The following NAF1 variants were observed in gnomAD, a reference collection of about 807,000 sequenced individuals.
NAF1 encodes nuclear assembly factor 1 ribonucleoprotein.
A neutral mutation model predicts 40.6 loss-of-function variants in NAF1; 11 were observed. The observed-to-expected ratio is 0.27, with a 90% CI of 0.17 to 0.45. The LOEUF is 0.45. Ranked by LOEUF, NAF1 falls within the 20% of genes least tolerant of loss-of-function variation. The pLI is 1.00. For synonymous variants in NAF1, 260 were observed against 228.5 expected (o/e 1.14, Z -1.24); for missense variants, 607 against 611.1 (o/e 0.99, Z 0.07).
In NAF1 at chr4:163,128,789, G is replaced by T; in HGVS notation, c.*108C>A. ...AACTTACAACAGAAGGAATCATTTAGTATTTTACAGTGTTTTTAAAAATCT... is the reference window on the plus strand; with the variant it reads ...AACTTACAACAGAAGGAATCATTTATTATTTTACAGTGTTTTTAAAAATCT... On this transcript the variant is annotated 3_prime_UTR_variant, in exon 8 of 8. Coordinates refer to ENST00000274054, the MANE Select transcript of NAF1 (RefSeq NM_138386.3). 3 of 1,313,958 alleles carry T rather than the reference G, an allele frequency of 2.3e-6. No individual in the cohort carries two copies. The highest frequency in any genetic ancestry group is 1.0e-6 in the Non-Finnish European group (1 of 993,122). 81.4% of individuals were successfully genotyped at this position (1,313,958 alleles called of 1,614,324 possible).
rs1296550785 is a variant in NAF1 at position 163,166,471 on chromosome 4, G to C, written c.257C>G (p.Pro86Arg). The C allele has an allele frequency of 6.2e-7, 1 of 1,603,406 alleles. No individual in the cohort carries two copies. The highest frequency in any genetic ancestry group is 8.5e-7 in the Non-Finnish European group (1 of 1,175,058). Residue 86 changes from proline to arginine, a missense_variant, in exon 1 of 8, where the codon CCG (proline) becomes CGG (arginine). By Grantham distance (103) the Pro-to-Arg change is moderately radical. Transcript: ENST00000274054. The stretch of plus-strand genomic sequence containing the variant: ...GTCTCCGCAGGCCGGCGATTCAGCC[G>C]GTGGCTGTGGCTGCGGCGCCGGGGT... Reference protein sequence around the residue: ...AGTPAPQPQPPAESPACGDCV... With the variant: ...AGTPAPQPQPRAESPACGDCV...
At chr4:163,126,940 C>A (rs1199821780), downstream of NAF1, 2 of 1,530,842 alleles carry the variant, frequency 1.3e-6, no homozygotes, top group South Asian at 1.2e-5. Context: ...AAAGTATTCT[C>A]CAATTGAGAT....
intron 2 of NAF1, among the ~76,000 whole-genome samples, chr4:163,151,040 G>C (rs1038266710): frequency 6.6e-6 from 1 of 151,686 alleles, no homozygotes; most frequent in African/African-American, 2.4e-5. Context: ...CCATTTTTAT[G>C]TGTGTTATGA....
At chr4:163,149,225 C>A (rs1731596762) in intron 2 of NAF1, among the ~76,000 whole-genome samples, 1 of 152,100 alleles carries the variant, frequency 6.6e-6, no homozygotes, top group South Asian at 2.1e-4. Flanking sequence ...TTGACCCTTG[C>A]CAAATGATCT....
rs775640824 is a variant in NAF1, at chr4:163,166,470, C to T, written c.258G>A (p.Pro86=). ...AGTPAPQPQP[P]AESPACGDCV... is the part of the protein sequence containing the mutation. ...AGTCTCCGCAGGCCGGCGATTCAGCCGGTGGCTGTGGCTGCGGCGCCGGGG... is the reference window on the plus strand; with the variant it reads ...AGTCTCCGCAGGCCGGCGATTCAGCTGGTGGCTGTGGCTGCGGCGCCGGGG... The change falls in exon 1 of 8, where the codon CCG becomes CCA. Residue 86 remains proline (P), a synonymous_variant. Coordinates refer to ENST00000274054, the MANE Select transcript of NAF1 (RefSeq NM_138386.3). 6.2e-7 allele frequency: 1 copy of T among 1,604,030 alleles called. No individual in the cohort carries two copies. Among genetic ancestry groups the T allele is most frequent in the Non-Finnish European group, 8.5e-7 (1 of 1,175,290 alleles).
the NAF1 span, among the ~76,000 whole-genome samples, chr4:163,104,934 TTA>T: frequency 3.3e-5 from 5 of 152,218 alleles, no homozygotes; most frequent in Admixed American, 6.5e-5. Context: ...CATTGGGAAA[TTA>T]TGTTTCAGAA....
At chr4:163,141,583 T>C (rs774668404) in intron 4 of NAF1, among the ~76,000 whole-genome samples, 15 of 152,204 alleles carry the variant, frequency 9.9e-5, no homozygotes, top group Non-Finnish European at 1.5e-4. Context: ...AACTTCTTTC[T>C]TATTGTAGGA....
In NAF1 at chr4:163,156,100, T is replaced by C. The variant is rs1343705407; in HGVS notation, c.541-7666A>G. On this transcript the variant is annotated intron_variant, in intron 2 of 7. Transcript: ENST00000274054. ...CCCTGTTAAAAGAATGATGAGTAGA[T>C]AGGAAAGACTTTTTGTTTTATTTAC... 3.4e-5 allele frequency among the ~76,000 whole-genome samples: 4 copies of C among 118,764 alleles called. 1 individual carries two copies. Among genetic ancestry groups the C allele is most frequent in the Non-Finnish European group, 7.3e-5 (4 of 54,764 alleles). The allele number at this position is 118,764 out of a possible 152,430, so 77.9% of individuals were successfully genotyped here. A position where few individuals can be genotyped will look rare whatever the true frequency, so the allele number is the denominator to read the frequency against.
At position 163,120,697 on chromosome 4, in the gene NAF1, G is replaced by T. The variant is rs115458625; in HGVS notation, c.115-10407C>A. ...TATGCTTTCTATAGAATGCACAGAA[G>T]AAAATATTTGATGTTTTTCTTCATG... On this transcript the variant is annotated intron_variant, in intron 2 of 2. Coordinates refer to the NAF1 transcript ENST00000509434. Among the ~76,000 whole-genome samples, 1,405 of 152,156 alleles carry T rather than the reference G, an allele frequency of 9.2e-3. 29 individuals are homozygous for T. The highest frequency in any genetic ancestry group is 0.032 in the African/African-American group (1,321 of 41,506).
intron 4 of NAF1, among the ~76,000 whole-genome samples, chr4:163,145,488 G>A (rs570368220): frequency 2.0e-5 from 3 of 152,320 alleles, no homozygotes; most frequent in African/African-American, 4.8e-5. Flanking sequence ...GGTAGGAAAC[G>A]ATGTGTTATG....
Position 163,115,210 on chromosome 4 carries a change from TA to T in NAF1, c.115-4921del, listed in dbSNP as rs1373548960. ...GATATAGGACAATAATTTTTTTATT[TA>T]TTTTTTTTTTTTTTTGAGACAGAGT... On this transcript the variant is annotated intron_variant, in intron 2 of 2. Transcript: ENST00000509434. Among the ~76,000 whole-genome samples the T allele has an allele frequency of 7.9e-4, 59 of 74,524 alleles. 10 individuals carry two copies. Among genetic ancestry groups the T allele is most frequent in the African/African-American group, 2.1e-3 (31 of 14,628 alleles). 48.9% of individuals were successfully genotyped at this position (74,524 alleles called of 152,430 possible). A position where few individuals can be genotyped will look rare whatever the true frequency, so the allele number is the denominator to read the frequency against.
At chr4:163,125,384 G>C (rs1730626190), downstream of NAF1, among the ~76,000 whole-genome samples, 1 of 152,174 alleles carries the variant, frequency 6.6e-6, no homozygotes, top group Admixed American at 6.5e-5. Flanking sequence ...GAAACTAAAA[G>C]TACTACTCCA....
intron 2 of NAF1, among the ~76,000 whole-genome samples, chr4:163,149,281 G>C (rs1020283351): frequency 6.6e-6 from 1 of 152,138 alleles, no homozygotes; most frequent in African/African-American, 2.4e-5. Context: ...GAAGTGCAAA[G>C]ACCCTACCAA....
At chr4:163,153,955 G>A (rs1207227881) in intron 2 of NAF1, among the ~76,000 whole-genome samples, 1 of 151,728 alleles carries the variant, frequency 6.6e-6, no homozygotes, top group Non-Finnish European at 1.5e-5. Context: ...TGAAGCCAGC[G>A]AGACCACGAG....
chr4:163,133,301 C>T, intron 6 of NAF1, 45 bp from the exon 7 acceptor site: 3 of 1,472,268 alleles, frequency 2.0e-6, no homozygotes, highest in Non-Finnish European at 2.8e-6. Flanking sequence ...CATGAATTTG[C>T]CAATTCAATA....
intron 2 of NAF1, among the ~76,000 whole-genome samples, chr4:163,121,141 T>C (rs1323543376): frequency 6.6e-6 from 1 of 152,170 alleles, no homozygotes; most frequent in African/African-American, 2.4e-5. Flanking sequence ...TCTGCCTGCC[T>C]CAGCCTCCCA....
intron 2 of NAF1, among the ~76,000 whole-genome samples, chr4:163,159,748 A>G (rs1298450225): frequency 7.2e-5 from 11 of 152,140 alleles, no homozygotes; most frequent in Admixed American, 7.2e-4. Flanking sequence ...TGACAGCTAA[A>G]TTTCCCCCAA....
chr4:163,140,110 G>T, intron 5 of NAF1, 113 bp downstream of exon 5: 2 of 772,828 alleles, frequency 2.6e-6, no homozygotes, highest in East Asian at 2.9e-5. Context: ...GAAGATAAAT[G>T]AACTCTTTGC....
chr4:163,113,581 A>C (rs1009359206), intron 2 of NAF1, among the ~76,000 whole-genome samples: 2 of 140,602 alleles, frequency 1.4e-5, no homozygotes, highest in Admixed American at 7.4e-5. Flanking sequence ...AGAAATTTTA[A>C]CCCTGCAGCT....
Sources: gnomAD v4.1 joint callset for allele counts (sites outside exome capture counted in the v4.1 genomes callset) on GRCh38, gnomAD v4.1.1 for gene constraint, MANE v1.5 for transcripts, NCBI Gene and HGNC (gene_info 2026-07-23, HGNC 2026-07-21) for gene names.